The following CSMD1 variants were observed in gnomAD, a reference collection of about 807,000 sequenced individuals.
CSMD1 encodes the protein CUB and sushi domain-containing protein 1.
A neutral mutation model predicts 417.5 loss-of-function variants in CSMD1; 213 were observed. That is an observed-to-expected ratio of 0.51 (90% CI 0.46 to 0.57). The LOEUF is 0.57. Ranked by LOEUF, CSMD1 falls within the 20% of genes least tolerant of loss-of-function variation. The probability of loss-of-function intolerance (pLI) is 0.00; values close to 1 mark genes in which losing one functional copy is unlikely to be tolerated. For missense variants in CSMD1, 6,923 were observed against 4,529.7 expected (o/e 1.53, Z -15.17); for synonymous variants, 2,862 against 1,736.8 (o/e 1.65, Z -16.11).
chr8:4,075,351 T>G (rs1799766861), intron 3 of CSMD1, among the ~76,000 whole-genome samples: 1 of 152,132 alleles, frequency 6.6e-6, no homozygotes, highest in African/African-American at 2.4e-5. Flanking sequence ...CTCTCTAAGA[T>G]GAAGTGCTGA....
chr8:3,030,373 C>G (rs1202707142), intron 50 of CSMD1, among the ~76,000 whole-genome samples: 2 of 151,932 alleles, frequency 1.3e-5, no homozygotes, highest in Admixed American at 1.3e-4. Context: ...AAATCAACCA[C>G]CAAGAAAATT....
intron 46 of CSMD1, among the ~76,000 whole-genome samples, chr8:3,104,302 C>CACAG (rs1319936738): frequency 3.3e-5 from 5 of 152,146 alleles, no homozygotes; most frequent in Admixed American, 3.3e-4. Context: ...TGGAAGATGG[C>CACAG]ACAGACGTTG....
chr8:3,982,204 A>T (rs979900252), intron 5 of CSMD1, among the ~76,000 whole-genome samples: 1 of 146,914 alleles, frequency 6.8e-6, no homozygotes, highest in African/African-American at 2.5e-5. Context: ...AATAAAAAAA[A>T]TAATAATAAT....
At chr8:4,817,614 G>C (rs953418116) in intron 1 of CSMD1, among the ~76,000 whole-genome samples, 1 of 152,142 alleles carries the variant, frequency 6.6e-6, no homozygotes, top group Non-Finnish European at 1.5e-5. Flanking sequence ...TACAATTTTT[G>C]AATCAAAGGA....
chr8:3,796,289 G>GATATAGATATCTATCATGTGTAC lies in CSMD1; in HGVS notation c.819-42248_819-42247insGTACACATGATAGATATCTATAT, dbSNP rs752078697. Among the ~76,000 whole-genome samples, 2 of 46,040 alleles carry GATATAGATATCTATCATGTGTAC rather than the reference G, an allele frequency of 4.3e-5. 1 individual carries two copies. 30.2% of individuals were successfully genotyped at this position (46,040 alleles called of 152,430 possible). A position where few individuals can be genotyped will look rare whatever the true frequency, so the allele number is the denominator to read the frequency against. ...TATAGATATATATCTATCATGTATAGATATATCTATCATGTATAGATATAG... is the reference window on the plus strand; with the variant it reads ...TATAGATATATATCTATCATGTATAGATATAGATATCTATCATGTGTACATATATCTATCATGTATAGATATAG... On this transcript the variant is annotated intron_variant, in intron 5 of 69. Transcript: ENST00000635120.
chr8:3,726,030 C>G (rs2129046056), intron 6 of CSMD1, among the ~76,000 whole-genome samples: 1 of 152,242 alleles, frequency 6.6e-6, no homozygotes, highest in East Asian at 1.9e-4. Flanking sequence ...CTCTTTCTCT[C>G]TTGAAGAATT....
intron 2 of CSMD1, among the ~76,000 whole-genome samples, chr8:4,596,834 G>C (rs979905768): frequency 6.6e-6 from 1 of 152,148 alleles, no homozygotes; most frequent in Admixed American, 6.6e-5. Flanking sequence ...AGGGACCCAG[G>C]GGGAGGTAAT....
intron 4 of CSMD1, among the ~76,000 whole-genome samples, chr8:4,018,440 C>T (rs964476972): frequency 1.3e-5 from 2 of 152,160 alleles, no homozygotes; most frequent in Non-Finnish European, 2.9e-5. Flanking sequence ...CTCTGAGTAG[C>T]TGCAGGTCTG....
intron 12 of CSMD1, among the ~76,000 whole-genome samples, chr8:3,410,496 A>C (rs1241932343): frequency 2.0e-5 from 3 of 152,026 alleles, no homozygotes; most frequent in Non-Finnish European, 2.9e-5. Flanking sequence ...AAGGCTCAGG[A>C]GGTCTGATGG....
chr8:3,899,970 G>A (rs995414843), intron 5 of CSMD1, among the ~76,000 whole-genome samples: 1 of 152,234 alleles, frequency 6.6e-6, no homozygotes, highest in South Asian at 2.1e-4. Context: ...GCTCTCCACT[G>A]GGCTTGTTGA....
At chr8:3,381,307 TA>T (rs1810613418) in intron 18 of CSMD1, among the ~76,000 whole-genome samples, 1 of 152,152 alleles carries the variant, frequency 6.6e-6, no homozygotes, top group Non-Finnish European at 1.5e-5. Flanking sequence ...CACCCTATGT[TA>T]AAATTCTATT....
At chr8:4,723,101 T>C (rs1180390242) in intron 1 of CSMD1, among the ~76,000 whole-genome samples, 3 of 152,162 alleles carry the variant, frequency 2.0e-5, no homozygotes, top group East Asian at 1.9e-4. Context: ...TGGATACTTA[T>C]ATATCTGACT....
At chr8:3,492,947 T>C (rs913533357) in intron 11 of CSMD1, among the ~76,000 whole-genome samples, 2 of 152,096 alleles carry the variant, frequency 1.3e-5, no homozygotes, top group Admixed American at 1.3e-4. Context: ...TCTGTACCTC[T>C]TTAAAAACCC....
chr8:4,179,781 A>G (rs573245190), intron 3 of CSMD1, among the ~76,000 whole-genome samples: 130 of 152,222 alleles, frequency 8.5e-4, no homozygotes, highest in African/African-American at 2.9e-3. Flanking sequence ...ATGAACAGAC[A>G]CTTCTCAAAA....
chr8:2,965,679 A>T, intron 59 of CSMD1, 96 bp downstream of exon 59: 1 of 1,038,322 alleles, frequency 9.6e-7, no homozygotes, highest in South Asian at 1.7e-5. Context: ...CCTAGCCCCT[A>T]GAAGGGCTAC....
At chr8:3,876,491 G>A (rs1449314612) in intron 5 of CSMD1, among the ~76,000 whole-genome samples, 5 of 152,150 alleles carry the variant, frequency 3.3e-5, no homozygotes, top group Non-Finnish European at 4.4e-5. Context: ...GATAAAATAT[G>A]TAAGTGTGTA....
intron 2 of CSMD1, among the ~76,000 whole-genome samples, chr8:4,439,128 T>A (rs1563173751): frequency 1.3e-5 from 2 of 152,172 alleles, no homozygotes; most frequent in Admixed American, 1.3e-4. Flanking sequence ...CAATTAATCA[T>A]CTATATCACC....
At chr8:3,162,903 T>C (rs1040199161) in intron 37 of CSMD1, among the ~76,000 whole-genome samples, 3 of 152,296 alleles carry the variant, frequency 2.0e-5, no homozygotes, top group South Asian at 2.1e-4. Flanking sequence ...CACAGATTTT[T>C]TTAAAGGCAT....
chr8:4,163,064 C>G (rs1021405392), intron 3 of CSMD1, among the ~76,000 whole-genome samples: 1 of 152,120 alleles, frequency 6.6e-6, no homozygotes, highest in Non-Finnish European at 1.5e-5. Context: ...GCATGGCTTT[C>G]GGTTAATTTT....
Sources: gnomAD v4.1 joint callset for allele counts (sites outside exome capture counted in the v4.1 genomes callset) on GRCh38, gnomAD v4.1.1 for gene constraint, MANE v1.5 for transcripts, NCBI Gene and HGNC (gene_info 2026-07-23, HGNC 2026-07-21) for gene names.